SLC4A1: variants seen among roughly 807,000 people sequenced by gnomAD.
SLC4A1 encodes solute carrier family 4 member 1 (Diego blood group), also known as band 3 anion transport protein.
SLC4A1 carries 29 observed loss-of-function variants against 93.1 expected under a neutral mutation model. The observed-to-expected ratio is 0.31, with a 90% confidence interval of 0.23 to 0.42. SLC4A1 has a LOEUF of 0.42. Ranked by LOEUF, SLC4A1 falls within the 20% of genes least tolerant of loss-of-function variation. The pLI is 1.00. For synonymous variants in SLC4A1, 469 were observed against 497.2 expected (o/e 0.94, Z 0.76); for missense variants, 965 against 1,190.1 (o/e 0.81, Z 2.78).
chr17:44,267,681 G>A (rs1422600898), intron 1 of SLC4A1, among the ~76,000 whole-genome samples: 1 of 152,172 alleles, frequency 6.6e-6, no homozygotes, highest in Non-Finnish European at 1.5e-5. Flanking sequence ...CCTCCTAGGT[G>A]GGAGAGGGGG....
At chr17:44,266,049 G>A (rs1365745982) in intron 1 of SLC4A1, among the ~76,000 whole-genome samples, 5 of 152,016 alleles carry the variant, frequency 3.3e-5, no homozygotes, top group African/African-American at 1.2e-4. Flanking sequence ...TGACCCTGCA[G>A]TCCTGGGGGT....
Position 44,258,731 on chromosome 17 carries a change from C to T in SLC4A1, c.877-108G>A. The T allele has an allele frequency of 9.2e-7, 1 of 1,090,838 alleles. No homozygotes were observed. Among genetic ancestry groups the T allele is most frequent in the South Asian group, 1.4e-5 (1 of 73,794 alleles). 67.6% of individuals were successfully genotyped at this position (1,090,838 alleles called of 1,614,324 possible). A position where few individuals can be genotyped will look rare whatever the true frequency, so the allele number is the denominator to read the frequency against. ...CCAGAACCCCCTCAGGCAGCAGCTC[C>T]CATTGCCAGGAACTGCTTTTCCTGC... On this transcript the variant is annotated intron_variant, in intron 9 of 19. Transcript: ENST00000262418. The surrounding 1 kb of genome is among the most constrained non-coding windows in gnomAD (Gnocchi z 6.1).
At chr17:44,266,914 G>A (rs1275291181) in intron 1 of SLC4A1, among the ~76,000 whole-genome samples, 1 of 152,194 alleles carries the variant, frequency 6.6e-6, no homozygotes, top group Non-Finnish European at 1.5e-5. Context: ...TAGTGGTATG[G>A]CACCACCTTT....
At chr17:44,254,321 T>C (rs2047369502) in intron 16 of SLC4A1, among the ~76,000 whole-genome samples, 175 bp downstream of exon 16, 1 of 152,060 alleles carries the variant, frequency 6.6e-6, no homozygotes, top group African/African-American at 2.4e-5. Flanking sequence ...ATACAACTTC[T>C]GGTCCCACAA....
Position 44,263,234 on chromosome 17 carries a change from T to G in SLC4A1, c.-68-300A>C, listed in dbSNP as rs533463082. Among the ~76,000 whole-genome samples, 8 of 152,236 alleles carry G rather than the reference T, an allele frequency of 5.3e-5. No homozygotes were observed. In the South Asian group the frequency reaches 1.7e-3, roughly 32 times the overall value. ...TCCATCTCCCTCCTTCATTCTCTAG[T>G]CTTCACCTGGCTTCTTTTCTTGCCC... On this transcript the variant is annotated intron_variant, in intron 1 of 19. Coordinates refer to ENST00000262418, the MANE Select transcript of SLC4A1 (RefSeq NM_000342.4).
At chr17:44,254,466 C>CCCCCGGCCCCCCCCCCAA in intron 16 of SLC4A1, 30 bp downstream of exon 16, 1 of 916,424 alleles carries the variant, frequency 1.1e-6, no homozygotes. Context: ...CTCCCACCCT[C>CCCCCGGCCCCCCCCCCAA]CCAGGCCCAG....
At chr17:44,266,990 T>C (rs1459155663) in intron 1 of SLC4A1, among the ~76,000 whole-genome samples, 1 of 152,190 alleles carries the variant, frequency 6.6e-6, no homozygotes, top group East Asian at 1.9e-4. Flanking sequence ...CAAAGCATTC[T>C]GTGAAGTGGT....
rs2047408349 is a variant in SLC4A1, at chr17:44,258,231, G to A, written c.1088-51C>T. On this transcript the variant is annotated intron_variant, in intron 10 of 19. Transcript: ENST00000262418. The surrounding 1 kb of genome is among the most constrained non-coding windows in gnomAD (Gnocchi z 6.1). ...CAGAGGGAGTAGCTGGAGGAGGTGA[G>A]GGGAAAGGGGACTGGAGGGTGTAGG... 48 of 1,566,330 alleles carry A rather than the reference G, an allele frequency of 3.1e-5. No homozygotes were observed. Among genetic ancestry groups the A allele is most frequent in the Non-Finnish European group, 4.0e-5 (46 of 1,137,874 alleles).
intron 1 of SLC4A1, among the ~76,000 whole-genome samples, chr17:44,267,097 CAGGT>C (rs2047501857): frequency 6.6e-6 from 1 of 152,204 alleles, no homozygotes; most frequent in South Asian, 2.1e-4. Flanking sequence ...AGCCACCCAG[CAGGT>C]AGGTATCAGA....
intron 1 of SLC4A1, among the ~76,000 whole-genome samples, chr17:44,263,707 C>T (rs796975104): frequency 7.8e-5 from 11 of 140,404 alleles, no homozygotes; most frequent in South Asian, 2.3e-4. Context: ...CCTCCCTTCC[C>T]TCCTTCCTTC....
At chr17:44,265,031 G>A (rs570408986) in intron 1 of SLC4A1, among the ~76,000 whole-genome samples, 1 of 129,364 alleles carries the variant, frequency 7.7e-6, no homozygotes, top group Non-Finnish European at 1.7e-5. Flanking sequence ...CTGAGCACTG[G>A]GGGCTGTGGG....
rs751571803 is a variant in SLC4A1, at chr17:44,260,535, A to G, written c.354T>C (p.Thr118=). 67 of 1,614,084 alleles carry G rather than the reference A, an allele frequency of 4.2e-5. No homozygotes were observed. In the Admixed American group the frequency reaches 4.3e-4, roughly 10 times the overall value. The change falls in exon 6 of 20, where the codon ACT becomes ACC. Residue 118 remains threonine, a synonymous_variant. Transcript: ENST00000262418. ...LELRRVFTKG[T]VLLDLQETSL... Reference sequence around the variant, plus strand: ...AGGTCTCTTGCAGGTCTAGGAGGACAGTACCTGCAGGCAGTGGAGGAGTGA... The same window carrying G: ...AGGTCTCTTGCAGGTCTAGGAGGACGGTACCTGCAGGCAGTGGAGGAGTGA...
chr17:44,258,233 G>C lies in SLC4A1; in HGVS notation c.1088-53C>G, dbSNP rs888514249. The C allele has an allele frequency of 6.4e-7, 1 of 1,564,546 alleles. No homozygotes were observed. The highest frequency in any genetic ancestry group is 8.8e-7 in the Non-Finnish European group (1 of 1,136,316). ...GAGGGAGTAGCTGGAGGAGGTGAGG[G>C]GAAAGGGGACTGGAGGGTGTAGGGG... On this transcript the variant is annotated intron_variant, in intron 10 of 19. Transcript: ENST00000262418. This position sits in a 1 kb window ranked among gnomAD's most constrained non-coding sequence, Gnocchi z 6.1.
Position 44,262,731 on chromosome 17 carries a change from G to A in SLC4A1, c.16-5C>T, listed in dbSNP as rs755947595. 1.9e-6 allele frequency: 3 copies of A among 1,613,860 alleles called. No individual in the cohort carries two copies. Among genetic ancestry groups the A allele is most frequent in the East Asian group, 4.5e-5 (2 of 44,876 alleles). ...CATCATGTCTTCATAATCATCCTGTGGGAAGTGGCCGCTGAGGCTGGGCTG... is the reference window on the plus strand; with the variant it reads ...CATCATGTCTTCATAATCATCCTGTAGGAAGTGGCCGCTGAGGCTGGGCTG... On this transcript the variant is annotated splice_region_variant and splice_polypyrimidine_tract_variant and intron_variant, in intron 2 of 19. Transcript: ENST00000262418.
At position 44,258,224 on chromosome 17, in the gene SLC4A1, G is replaced by A; in HGVS notation, c.1088-44C>T. 2 of 1,586,494 alleles carry A rather than the reference G, an allele frequency of 1.3e-6. No individual in the cohort carries two copies. The highest frequency in any genetic ancestry group is 1.7e-6 in the Non-Finnish European group (2 of 1,155,898). ...GCATGGTCAGAGGGAGTAGCTGGAG[G>A]AGGTGAGGGGAAAGGGGACTGGAGG... On this transcript the variant is annotated intron_variant, in intron 10 of 19. Coordinates refer to ENST00000262418, the MANE Select transcript of SLC4A1 (RefSeq NM_000342.4). The surrounding 1 kb of genome is among the most constrained non-coding windows in gnomAD (Gnocchi z 6.1).
At position 44,249,127 on chromosome 17, in the gene SLC4A1, G is replaced by C. The variant is rs1033064799; in HGVS notation, c.*1331C>G. On this transcript the variant is annotated 3_prime_UTR_variant, in exon 20 of 20. Transcript: ENST00000262418. ...TCCGCCCAACTTGGCCTCCCAAAGT[G>C]CTGGGATTACAAACGTGAGCCACTG... 1 of 452,408 alleles carries C rather than the reference G, an allele frequency of 2.2e-6. No homozygotes were observed. The highest frequency in any genetic ancestry group is 4.4e-6 in the Non-Finnish European group (1 of 225,430). The allele number at this position is 452,408 out of a possible 1,614,324, so 28.0% of individuals were successfully genotyped here.
At chr17:44,261,684 A>G in intron 3 of SLC4A1, 48 bp from the exon 4 acceptor site, 3 of 1,613,652 alleles carry the variant, frequency 1.9e-6, no homozygotes, top group Non-Finnish European at 2.5e-6. Context: ...CCCCCACCTG[A>G]GGCTCTTCAC....
Position 44,259,090 on chromosome 17 carries a change from G to A in SLC4A1, c.876+73C>T. ...GTGAACCTAAAGTAACCCAGGCCAG[G>A]TTGGAGAGCAGGCCTCAGCCACCAT... is the stretch of plus-strand genomic sequence containing the variant. On this transcript the variant is annotated intron_variant, in intron 9 of 19. Coordinates refer to ENST00000262418, the MANE Select transcript of SLC4A1 (RefSeq NM_000342.4). The A allele has an allele frequency of 4.0e-6, 6 of 1,490,018 alleles. No homozygotes were observed. The Admixed American group carries it at 1.0e-4, about 26-fold the overall frequency. 92.3% of individuals were successfully genotyped at this position (1,490,018 alleles called of 1,614,324 possible).
At position 44,259,870 on chromosome 17, in the gene SLC4A1, T is replaced by C; in HGVS notation, c.548A>G (p.Asp183Gly). The change falls in exon 7 of 20, where the codon GAT becomes GGT. Residue 183 changes from aspartate (D) to glycine (G), a missense_variant. Asp to Gly is a moderately conservative substitution (Grantham distance 94, BLOSUM62 -1). Coordinates refer to ENST00000262418, the MANE Select transcript of SLC4A1 (RefSeq NM_000342.4). ...VKPAVLTRSG[D>G]PSQPLLPQHS... ...TTGGGGGAGCAGAGGCTGTGAAGGA[T>C]CCCCAGAGCGTGTCAGGACTGCAGG... 1.2e-6 allele frequency: 2 copies of C among 1,613,894 alleles called. No homozygotes were observed. Among genetic ancestry groups the C allele is most frequent in the Non-Finnish European group, 1.7e-6 (2 of 1,179,988 alleles).
Sources: gnomAD v4.1 joint callset for allele counts (sites outside exome capture counted in the v4.1 genomes callset) on GRCh38, gnomAD v4.1.1 for gene constraint, Gnocchi (gnomAD v3.1) non-coding constraint, MANE v1.5 for transcripts, NCBI Gene and HGNC (gene_info 2026-07-23, HGNC 2026-07-21) for gene names.